Variants in PHF8 observed in about 807,000 individuals in gnomAD.
PHF8 encodes histone lysine demethylase PHF8.
Under a neutral mutation model 74.4 loss-of-function variants are expected in PHF8, and 9 were observed. The observed-to-expected ratio is 0.12, with a 90% CI of 0.07 to 0.21. The LOEUF is 0.21. PHF8 is among the 10% of genes least tolerant of loss of function. The pLI is 1.00. For synonymous variants in PHF8, 311 were observed against 316.6 expected (o/e 0.98, Z 0.19); for missense variants, 478 against 816.6 (o/e 0.59, Z 5.05).
At chrX:53,959,897 G>A (rs782512448) in intron 19 of PHF8, among the ~76,000 whole-genome samples, 166 of 102,588 alleles carry the variant, frequency 1.6e-3, no homozygotes, top group African/African-American at 5.5e-3. Context: ...AGGGAATGAT[G>A]TAAGTTGATT....
At chrX:53,942,259 C>G (rs782558684) in intron 20 of PHF8, among the ~76,000 whole-genome samples, 56 of 111,736 alleles carry the variant, frequency 5.0e-4, no homozygotes, top group Non-Finnish European at 8.8e-4. Context: ...ATGAAAAAAG[C>G]TAACAGGCCT....
At chrX:53,966,851 C>A (rs1557092828) in intron 18 of PHF8, among the ~76,000 whole-genome samples, 1 of 109,591 alleles carries the variant, frequency 9.1e-6, no homozygotes, top group Non-Finnish European at 1.9e-5. Flanking sequence ...GGCCGCCCAT[C>A]GTCTGAGATG....
rs782587670 is a variant in PHF8 at position 53,987,814 on chromosome X, T to C, written c.1861A>G (p.Ile621Val). ...TTCTCCTTTCCCAATCTCTCGTCAA[T>C]CTGCAGCTCATCATCTGAATCCAAG... ...FDLDSDDELQ[I>V]DERLGKEKAT... is the part of the protein sequence containing the mutation. The change falls in exon 15 of 22, where the codon ATT becomes GTT. Residue 621 changes from isoleucine to valine, a missense_variant. Physicochemically the swap from Ile to Val is conservative, Grantham distance 29. Around this residue, in one of 9 missense-constraint regions of PHF8, gnomAD observed 153 missense variants for 164.8 expected, o/e 0.93. Coordinates refer to ENST00000338154, the MANE Select transcript of PHF8 (RefSeq NM_015107.3). The C allele has an allele frequency of 4.1e-6, 5 of 1,207,257 alleles. No homozygotes were observed. The highest frequency in any genetic ancestry group is 1.8e-5 in the South Asian group (1 of 56,279).
chrX:53,956,679 T>TGC (rs1199894665), intron 19 of PHF8, among the ~76,000 whole-genome samples: 4 of 105,670 alleles, frequency 3.8e-5, no homozygotes, highest in Non-Finnish European at 5.9e-5. Flanking sequence ...TATGTGCGTG[T>TGC]GTGTGTGTGT....
intron 13 of PHF8, chrX:53,993,070 G>C (rs2065692537): frequency 2.5e-6 from 1 of 403,118 alleles, no homozygotes; most frequent in Non-Finnish European, 4.4e-6. Flanking sequence ...CCTTAAAAAA[G>C]AGGGGGCACA....
At chrX:54,036,571 CAAAAAAAAAAAA>C (rs1160936317) in intron 2 of PHF8, among the ~76,000 whole-genome samples, 193 of 6,170 alleles carry the variant, frequency 0.031, 1 homozygote, top group African/African-American at 0.079. Flanking sequence ...GACACTGTCT[CAAAAAAAAAAAA>C]AAAAAAAAAA....
chrX:53,985,419 G>A (rs186390416), intron 17 of PHF8, among the ~76,000 whole-genome samples, 192 bp from the exon 18 acceptor site: 1,912 of 111,362 alleles, frequency 0.017, 18 homozygotes, highest in Middle Eastern at 0.023. Flanking sequence ...TTGCTTTCAC[G>A]AAAAGCCAGT....
rs1362868821 is a variant in PHF8, at chrX:53,937,097, A to G, written c.*2061T>C. 9.0e-6 allele frequency: 1 copy of G among 110,529 alleles called. No individual in the cohort carries two copies. The highest frequency in any genetic ancestry group is 3.3e-5 in the African/African-American group (1 of 30,214). 9.1% of individuals were successfully genotyped at this position (110,529 alleles called of 1,213,427 possible). On this transcript the variant is annotated 3_prime_UTR_variant, in exon 22 of 22. Coordinates refer to ENST00000338154, the MANE Select transcript of PHF8 (RefSeq NM_015107.3). ...TAGAACCTGAAACATTAAAAAAAAC[A>G]AAAACAAAGACATCAGCCTCTTTGG...
chrX:53,999,277 G>T (rs782672413), intron 11 of PHF8, among the ~76,000 whole-genome samples: 1 of 111,941 alleles, frequency 8.9e-6, no homozygotes, highest in African/African-American at 3.2e-5. Flanking sequence ...CCTTTATGAG[G>T]ATTCATTTCC....
chrX:54,042,848 G>A (rs1052294978), intron 1 of PHF8, 28 bp from the exon 2 acceptor site: 2 of 1,052,505 alleles, frequency 1.9e-6, no homozygotes, highest in Non-Finnish European at 2.5e-6. Context: ...TTTTTACAGA[G>A]TGAATCAGCC....
intron 8 of PHF8, among the ~76,000 whole-genome samples, chrX:54,008,150 C>T (rs782245057): frequency 5.4e-5 from 6 of 111,036 alleles, no homozygotes; most frequent in South Asian, 3.8e-4. Flanking sequence ...AGACAGATCA[C>T]GTGGTCAACA....
intron 2 of PHF8, among the ~76,000 whole-genome samples, chrX:54,032,133 G>A (rs946361309): frequency 1.8e-5 from 2 of 111,571 alleles, no homozygotes; most frequent in Non-Finnish European, 3.8e-5. Context: ...CCCATCCAGA[G>A]TAAAAACCAA....
intron 2 of PHF8, among the ~76,000 whole-genome samples, chrX:54,032,414 T>C (rs1302227524): frequency 3.6e-5 from 4 of 111,054 alleles, no homozygotes; most frequent in South Asian, 3.8e-4. Context: ...TCCAATAGCA[T>C]TGGACTGGAC....
rs56743300 is a variant in PHF8 at position 53,999,631 on chromosome X, T to A, written c.1233+239A>T. On this transcript the variant is annotated intron_variant, in intron 11 of 21. Transcript: ENST00000338154. The stretch of plus-strand genomic sequence containing the variant: ...GAGTGTAAAAATCATAGGTGATAAT[T>A]TTCCTTCTTTATGCTTTTCCTCATT... 2,331 of 368,529 alleles carry A rather than the reference T, an allele frequency of 6.3e-3. 46 individuals are homozygous for A. Among genetic ancestry groups the A allele is most frequent in the African/African-American group, 0.055 (2,141 of 38,973 alleles). The allele number at this position is 368,529 out of a possible 1,213,427, so 30.4% of individuals were successfully genotyped here.
In PHF8 at chrX:53,940,450, G is replaced by C. The variant is rs1261531389; in HGVS notation, c.2716C>G (p.Pro906Ala). 8.3e-7 allele frequency: 1 copy of C among 1,207,123 alleles called. No homozygotes were observed. The highest frequency in any genetic ancestry group is 1.1e-6 in the Non-Finnish European group (1 of 893,065). ...CTGAGATTGGAGTCTTGAGGGCGAG[G>C]CTGTTCTACCTCCTTCAGCAAAGGC... ...KKPLLKEVEQ[P>A]RPQDSNLSLT... The change falls in exon 21 of 22, where the codon CCT becomes GCT. Residue 906 changes from proline to alanine, a missense_variant. Coordinates refer to ENST00000338154, the MANE Select transcript of PHF8 (RefSeq NM_015107.3).
Position 54,017,749 on chromosome X carries a change from A to G in PHF8, c.366T>C (p.Ser122=), listed in dbSNP as rs1603338266. The G allele has an allele frequency of 8.3e-7, 1 of 1,207,250 alleles. No individual in the cohort carries two copies. Among genetic ancestry groups the G allele is most frequent in the Non-Finnish European group, 1.1e-6 (1 of 891,439 alleles). ...TVEFLEENSF[S]VPILVLKKDG... ...CCTTCTTCAGGACCAGGATGGGCAC[A>G]CTGAAGCTATTTTCTTCCAGGAATT... is the stretch of plus-strand genomic sequence containing the variant. Residue 122 remains serine, a synonymous_variant, in exon 5 of 22, where the codon AGT becomes AGC. Transcript: ENST00000338154.
chrX:53,963,848 C>T (rs1231703876), intron 18 of PHF8, among the ~76,000 whole-genome samples: 2 of 111,530 alleles, frequency 1.8e-5, no homozygotes, highest in African/African-American at 3.3e-5. Context: ...GGATCTAGAA[C>T]GAGAAATACC....
In PHF8 at chrX:54,042,827, A is replaced by G. The variant is rs1335077185; in HGVS notation, c.-92-7T>C. 1.4e-5 allele frequency: 16 copies of G among 1,119,336 alleles called. No homozygotes were observed. Among genetic ancestry groups the G allele is most frequent in the Non-Finnish European group, 1.9e-5 (16 of 840,283 alleles). The allele number at this position is 1,119,336 out of a possible 1,213,427, so 92.2% of individuals were successfully genotyped here. On this transcript the variant is annotated splice_polypyrimidine_tract_variant and splice_region_variant and intron_variant, in intron 1 of 21. Coordinates refer to ENST00000338154, the MANE Select transcript of PHF8 (RefSeq NM_015107.3). ...CGTCCTCTCTGGACGATAGCTAGGC[A>G]CAAATAACACTTTTTACAGAGTGAA...
At chrX:53,978,272 C>T (rs989516433) in intron 18 of PHF8, among the ~76,000 whole-genome samples, 23 of 110,082 alleles carry the variant, frequency 2.1e-4, no homozygotes, top group Non-Finnish European at 7.6e-5. Context: ...GTTAAAACAC[C>T]CACTGCCCAT....
Sources: allele counts gnomAD v4.1 joint callset (sites outside exome capture counted in the v4.1 genomes callset), GRCh38; gene constraint gnomAD v4.1.1; regional missense constraint gnomAD v4.1.1; transcripts MANE v1.5; gene names NCBI Gene and HGNC (gene_info 2026-07-23, HGNC 2026-07-21).